The following PREX2 variants were observed in gnomAD, a reference collection of about 807,000 sequenced individuals.
The protein encoded by PREX2 is phosphatidylinositol 3,4,5-trisphosphate-dependent Rac exchanger 2 protein.
PREX2 carries 107 observed loss-of-function variants against 203.2 expected under a neutral mutation model. That is an observed-to-expected ratio of 0.53 (90% CI 0.45 to 0.62). The LOEUF (loss-of-function observed/expected upper bound fraction) is 0.62. Ranked by LOEUF, PREX2 falls within the 20% of genes least tolerant of loss-of-function variation. The pLI, the probability that PREX2 is intolerant of heterozygous loss-of-function variation, is 0.00. For missense variants in PREX2, 1,777 were observed against 1,955.9 expected (o/e 0.91, Z 1.72); for synonymous variants, 672 against 663.6 (o/e 1.01, Z -0.19).
At chr8:68,128,047 A>G (rs1810931556) in intron 31 of PREX2, among the ~76,000 whole-genome samples, 1 of 152,176 alleles carries the variant, frequency 6.6e-6, no homozygotes, top group Admixed American at 6.5e-5. Flanking sequence ...AAAAGGAAAA[A>G]TGTATGAAAT....
Position 68,099,661 on chromosome 8 carries a change from CGT to C in PREX2, c.2554-14_2554-13del. 3 of 1,605,798 alleles carry C rather than the reference CGT, an allele frequency of 1.9e-6. No individual in the cohort carries two copies. Among genetic ancestry groups the C allele is most frequent in the Middle Eastern group, 1.7e-4 (1 of 6,030 alleles). On this transcript the variant is annotated intron_variant, in intron 22 of 39. Transcript: ENST00000288368. ...ATGTGTGTTTGTGTGTGTGGGTGTGCGTGTGTGTTTGTCATTGCAGATTCTTG... is the reference window on the plus strand; with the variant it reads ...ATGTGTGTTTGTGTGTGTGGGTGTGCGTGTGTTTGTCATTGCAGATTCTTG...
At chr8:67,979,731 T>G (rs1179287406) in intron 1 of PREX2, among the ~76,000 whole-genome samples, 2 of 152,248 alleles carry the variant, frequency 1.3e-5, no homozygotes, top group Non-Finnish European at 2.9e-5. Context: ...TGCCATACAC[T>G]TTCTATCTTG....
chr8:68,057,213 C>A (rs1389428457), intron 10 of PREX2, among the ~76,000 whole-genome samples: 1 of 152,100 alleles, frequency 6.6e-6, no homozygotes, highest in Non-Finnish European at 1.5e-5. Context: ...CTTCTCTCAC[C>A]TGCTGCCGTG....
At chr8:68,192,641 T>A in intron 37 of PREX2, 116 bp downstream of exon 37, 1 of 736,988 alleles carries the variant, frequency 1.4e-6, no homozygotes, top group African/African-American at 1.8e-5. Context: ...GACTCAGGTG[T>A]ATTTGGAATA....
At chr8:68,169,117 G>T (rs1450539530) in intron 35 of PREX2, among the ~76,000 whole-genome samples, 1 of 152,120 alleles carries the variant, frequency 6.6e-6, no homozygotes. Flanking sequence ...CTCTCCATCT[G>T]CTGAAGTTTC....
In PREX2 at chr8:68,053,196, A is replaced by G; in HGVS notation, c.1043A>G (p.Glu348Gly). ...WFVCMAKTPE[E>G]KHEWFEAILK... ...GTTTGTATGGCAAAAACACCTGAAG[A>G]GAAGCATGAATGGTTTGAAGCTATT... Residue 348 changes from glutamate (E) to glycine (G), a missense_variant, in exon 9 of 40, where the codon GAG (glutamate) becomes GGG (glycine). Transcript: ENST00000288368. The G allele has an allele frequency of 6.2e-7, 1 of 1,613,804 alleles. No homozygotes were observed. The highest frequency in any genetic ancestry group is 8.5e-7 in the Non-Finnish European group (1 of 1,179,758).
chr8:67,976,976 G>T (rs1806129978), intron 1 of PREX2, among the ~76,000 whole-genome samples: 1 of 152,196 alleles, frequency 6.6e-6, no homozygotes, highest in Admixed American at 6.5e-5. Flanking sequence ...TCACAAAATT[G>T]TGAGCAAAAT....
intron 35 of PREX2, among the ~76,000 whole-genome samples, chr8:68,190,128 C>T (rs1001283168): frequency 3.3e-5 from 5 of 152,094 alleles, no homozygotes; most frequent in Admixed American, 3.3e-4. Context: ...CTGATTTTGC[C>T]CAATTATACT....
Position 68,099,740 on chromosome 8 carries a change from A to G in PREX2, c.2612A>G (p.Asn871Ser). 6.2e-7 allele frequency: 1 copy of G among 1,614,032 alleles called. No individual in the cohort carries two copies. Among genetic ancestry groups the G allele is most frequent in the Non-Finnish European group, 8.5e-7 (1 of 1,179,988 alleles). Residue 871 changes from asparagine to serine, a missense_variant, in exon 23 of 40, where the codon AAT becomes AGT. Asn to Ser is a conservative substitution (Grantham distance 46, BLOSUM62 1). Coordinates refer to ENST00000288368, the MANE Select transcript of PREX2 (RefSeq NM_024870.4). ...EHFVQNCTSL[N>S]SLNEVIPTDL... is the part of the protein sequence containing the mutation. The stretch of plus-strand genomic sequence containing the variant: ...TTTGTACAAAACTGTACCAGCCTAA[A>G]TTCTCTAAATGAAGTGATTCCTACT...
In PREX2 at chr8:68,134,313, C is replaced by T. The variant is rs747814077; in HGVS notation, c.3984+37C>T. Reference sequence around the variant, plus strand: ...ACATGACTCCCACTGTCTGTGTCAACTGTAACCTGCACTGTAACATGTTTT... The same window carrying T: ...ACATGACTCCCACTGTCTGTGTCAATTGTAACCTGCACTGTAACATGTTTT... On this transcript the variant is annotated intron_variant, in intron 32 of 39. Transcript: ENST00000288368. The T allele has an allele frequency of 2.4e-5, 35 of 1,468,168 alleles. No homozygotes were observed. The South Asian group carries it at 3.9e-4, about 16-fold the overall frequency. 90.9% of individuals were successfully genotyped at this position (1,468,168 alleles called of 1,614,324 possible).
At chr8:68,153,690 A>G (rs1375246894) in intron 34 of PREX2, among the ~76,000 whole-genome samples, 1 of 152,142 alleles carries the variant, frequency 6.6e-6, no homozygotes, top group Non-Finnish European at 1.5e-5. Context: ...AAAATAGGGA[A>G]TGTTGTCATC....
chr8:68,172,609 G>T (rs2129614265), intron 35 of PREX2, among the ~76,000 whole-genome samples: 1 of 152,298 alleles, frequency 6.6e-6, no homozygotes, highest in East Asian at 1.9e-4. Flanking sequence ...ATGTTTGAAG[G>T]TTTCAGGAAT....
intron 9 of PREX2, 77 bp downstream of exon 9, chr8:68,053,323 G>T (rs887529823): frequency 1.0e-5 from 15 of 1,467,122 alleles, no homozygotes; most frequent in Middle Eastern, 1.8e-4. Context: ...GGGAAAACAT[G>T]AGAAAATGGA....
chr8:68,165,186 G>A (rs541435444), intron 35 of PREX2, among the ~76,000 whole-genome samples: 48 of 152,030 alleles, frequency 3.2e-4, no homozygotes, highest in Non-Finnish European at 6.3e-4. Flanking sequence ...TTCCCTGGAT[G>A]TTAGCATTTC....
At chr8:67,960,687 T>C (rs1298229192) in intron 1 of PREX2, among the ~76,000 whole-genome samples, 1 of 152,230 alleles carries the variant, frequency 6.6e-6, no homozygotes, top group African/African-American at 2.4e-5. Flanking sequence ...TCGTTCTTCC[T>C]CTATGAAGTT....
At chr8:68,086,544 A>T (rs959264226) in intron 18 of PREX2, among the ~76,000 whole-genome samples, 2 of 152,072 alleles carry the variant, frequency 1.3e-5, no homozygotes, top group African/African-American at 4.8e-5. Flanking sequence ...ATTGCGTTGT[A>T]TTCATTTGTT....
intron 1 of PREX2, among the ~76,000 whole-genome samples, chr8:67,979,898 C>G (rs1245438614): frequency 6.6e-6 from 1 of 152,146 alleles, no homozygotes; most frequent in Non-Finnish European, 1.5e-5. Context: ...ATAGACCTAA[C>G]TCTTCCCTGG....
At position 68,109,552 on chromosome 8, in the gene PREX2, C is replaced by T. The variant is rs1451442448; in HGVS notation, c.3075C>T (p.Ile1025=). ...LKEEDLETQD[I]YQKLLGKLQT... ...AAGAAGACTTAGAAACCCAAGACATCTATCAGAAACTGCTGGGCAAACTTC... is the reference window on the plus strand; with the variant it reads ...AAGAAGACTTAGAAACCCAAGACATTTATCAGAAACTGCTGGGCAAACTTC... The change falls in exon 25 of 40, where the codon ATC becomes ATT. Residue 1025 remains isoleucine, a synonymous_variant. Transcript: ENST00000288368. 1 of 1,613,888 alleles carries T rather than the reference C, an allele frequency of 6.2e-7. No homozygotes were observed. The highest frequency in any genetic ancestry group is 2.2e-5 in the East Asian group (1 of 44,882).
chr8:68,051,137 TC>T (rs1202061895), intron 8 of PREX2, among the ~76,000 whole-genome samples: 1 of 151,992 alleles, frequency 6.6e-6, no homozygotes, highest in East Asian at 1.9e-4. Context: ...GAAGGAAAAC[TC>T]CCTGTTATAG....
Sources: allele counts gnomAD v4.1 joint callset (sites outside exome capture counted in the v4.1 genomes callset), GRCh38; gene constraint gnomAD v4.1.1; transcripts MANE v1.5; gene names NCBI Gene and HGNC (gene_info 2026-07-23, HGNC 2026-07-21).